GPI: variants seen among roughly 807,000 people sequenced by gnomAD.
GPI encodes the protein glucose-6-phosphate isomerase, also known as D-hexose-6-phosphate anomerase.
In GPI, 56 loss-of-function variants were observed where a neutral mutation model predicts 75.8. The observed-to-expected ratio is 0.74, with a 90% confidence interval of 0.60 to 0.92. The LOEUF is 0.92. Ranked by LOEUF, GPI falls within the 40% of genes least tolerant of loss-of-function variation. GPI has a pLI of 0.00. For missense variants in GPI, 638 were observed against 741.0 expected, an observed-to-expected ratio of 0.86 and a Z score of 1.61; for synonymous variants, 288 against 285.4, an observed-to-expected ratio of 1.01 and a Z score of -0.09.
intron 4 of GPI, among the ~76,000 whole-genome samples, chr19:34,371,516 C>T (rs2074452032): frequency 6.6e-6 from 1 of 152,126 alleles, no homozygotes; most frequent in Non-Finnish European, 1.5e-5. Flanking sequence ...ATGGTAAAGA[C>T]TCATTTGGTC....
At position 34,399,884 on chromosome 19, in the gene GPI, C is replaced by A; in HGVS notation, c.1542-17C>A. ...CCTTCCTCATACCACTCTTCCCTTCCCTTCCCTTCTTGGCAGAGTGGAGCT... is the reference window on the plus strand; with the variant it reads ...CCTTCCTCATACCACTCTTCCCTTCACTTCCCTTCTTGGCAGAGTGGAGCT... On this transcript the variant is annotated splice_polypyrimidine_tract_variant and intron_variant, in intron 17 of 17. Transcript: ENST00000356487. 6.2e-7 allele frequency: 1 copy of A among 1,614,034 alleles called. No homozygotes were observed. The highest frequency in any genetic ancestry group is 8.5e-7 in the Non-Finnish European group (1 of 1,179,954).
At chr19:34,376,152 A>G (rs2074532085) in intron 4 of GPI, among the ~76,000 whole-genome samples, 1 of 152,216 alleles carries the variant, frequency 6.6e-6, no homozygotes, top group Non-Finnish European at 1.5e-5. Context: ...TGCCTTGTGT[A>G]GTGGCTCACG....
Position 34,366,368 on chromosome 19 carries a change from G to T in GPI, c.146G>T (p.Gly49Val), listed in dbSNP as rs1412452057. The T allele has an allele frequency of 6.2e-7, 1 of 1,612,570 alleles. No homozygotes were observed. The highest frequency in any genetic ancestry group is 2.2e-5 in the East Asian group (1 of 44,868). Residue 49 changes from glycine to valine, a missense_variant, in exon 2 of 18, where the codon GGG becomes GTG. Gly to Val is a moderately radical substitution (Grantham distance 109, BLOSUM62 -3). Coordinates refer to ENST00000356487, the MANE Select transcript of GPI (RefSeq NM_000175.5). ...AGCTTGACCCTCAACACCAACCATG[G>T]GCATATCCTGGTGGATTACTCCAAG... is the stretch of plus-strand genomic sequence containing the variant. ...HFSLTLNTNHGHILVDYSKNL... is the reference protein window; with the variant it reads ...HFSLTLNTNHVHILVDYSKNL...
At chr19:34,378,875 C>A in intron 6 of GPI, 59 bp from the exon 7 acceptor site, 1 of 1,326,512 alleles carries the variant, frequency 7.5e-7, no homozygotes, top group Non-Finnish European at 1.1e-6. Context: ...TGAACCCTGG[C>A]TCAAGGCCTG....
chr19:34,376,115 G>T (rs1247895770), intron 4 of GPI, among the ~76,000 whole-genome samples: 1 of 152,164 alleles, frequency 6.6e-6, no homozygotes, highest in Non-Finnish European at 1.5e-5. Context: ...GTGTGGCAGG[G>T]ACCAGTGTGG....
At chr19:34,376,022 C>T (rs2074530166) in intron 4 of GPI, among the ~76,000 whole-genome samples, 1 of 152,216 alleles carries the variant, frequency 6.6e-6, no homozygotes, top group Admixed American at 6.5e-5. Flanking sequence ...CGAGTTATCC[C>T]TGGTTTTGCA....
At position 34,365,230 on chromosome 19, in the gene GPI, G is replaced by GGT; in HGVS notation, c.-36_-35insTG. 1 of 1,446,572 alleles carries GGT rather than the reference G, an allele frequency of 6.9e-7. No homozygotes were observed. Among genetic ancestry groups the GGT allele is most frequent in the Non-Finnish European group, 9.1e-7 (1 of 1,092,946 alleles). 89.6% of individuals were successfully genotyped at this position (1,446,572 alleles called of 1,614,324 possible). A position where few individuals can be genotyped will look rare whatever the true frequency, so the allele number is the denominator to read the frequency against. ...GCGCTGCCGGCGCTCCTTCCTCCTC[G>GGT]GCTCGCGTCTCACTCAGTGTACCTT... is the stretch of plus-strand genomic sequence containing the variant. On this transcript the variant is annotated 5_prime_UTR_variant, in exon 1 of 18. Coordinates refer to ENST00000356487, the MANE Select transcript of GPI (RefSeq NM_000175.5).
In GPI at chr19:34,388,476, C is replaced by A. The variant is rs971312556; in HGVS notation, c.805-4772C>A. Among the ~76,000 whole-genome samples, 11 of 149,930 alleles carry A rather than the reference C, an allele frequency of 7.3e-5. No homozygotes were observed. The East Asian group carries it at 7.9e-4, about 11-fold the overall frequency. On this transcript the variant is annotated intron_variant, in intron 9 of 17. Transcript: ENST00000356487. ...GGCGACAGAGTGAGAGACCCTGTCT[C>A]AAAAAAAAAGAAAGTGAGTAAAGTG...
intron 12 of GPI, among the ~76,000 whole-genome samples, 176 bp downstream of exon 12, chr19:34,394,242 A>T (rs2074913083): frequency 1.3e-5 from 2 of 152,022 alleles, no homozygotes; most frequent in African/African-American, 4.8e-5. Context: ...GGTTGGTTCC[A>T]TTTGAGTGTC....
In GPI at chr19:34,385,798, C is replaced by T. The variant is rs187003138; in HGVS notation, c.804+4279C>T. On this transcript the variant is annotated intron_variant, in intron 9 of 17. Coordinates refer to ENST00000356487, the MANE Select transcript of GPI (RefSeq NM_000175.5). ...GTCCACCAGGCACAAGCCCAGGAGCCAGCATTGAGCACAGGTAGGCAGACT... is the reference window on the plus strand; with the variant it reads ...GTCCACCAGGCACAAGCCCAGGAGCTAGCATTGAGCACAGGTAGGCAGACT... Among the ~76,000 whole-genome samples the T allele has an allele frequency of 2.0e-5, 3 of 152,196 alleles. No homozygotes were observed. The East Asian group carries it at 5.8e-4, about 29-fold the overall frequency.
Position 34,386,169 on chromosome 19 carries a change from C to T in GPI, c.804+4650C>T, listed in dbSNP as rs190903706. 2.8e-3 allele frequency among the ~76,000 whole-genome samples: 417 copies of T among 150,958 alleles called. 1 individual carries two copies. Among genetic ancestry groups the T allele is most frequent in the Admixed American group, 0.013 (192 of 15,210 alleles). On this transcript the variant is annotated intron_variant, in intron 9 of 17. Transcript: ENST00000356487. ...CACTAGGTGTGGTCTGAGAACCCAG[C>T]GAAAAGCTCAGGTAGGTAGAGATAG...
intron 1 of GPI, 113 bp from the exon 2 acceptor site, chr19:34,366,232 T>C: frequency 1.3e-6 from 1 of 786,152 alleles, no homozygotes. Context: ...GCCGCGGCCC[T>C]TGTGGGGCGT....
At position 34,365,328 on chromosome 19, in the gene GPI, G is replaced by C. The variant is rs747084719; in HGVS notation, c.62G>C (p.Arg21Pro). Residue 21 changes from arginine (R) to proline (P), a missense_variant, in exon 1 of 18, where the codon CGC becomes CCC. By Grantham distance (103) the Arg-to-Pro change is moderately radical (BLOSUM62 -2). Coordinates refer to ENST00000356487, the MANE Select transcript of GPI (RefSeq NM_000175.5). ...CTGCAGCAATGGTACCGCGAGCACCGCTCCGAGCTGAACCTGCGCCGCCTC... is the reference window on the plus strand; with the variant it reads ...CTGCAGCAATGGTACCGCGAGCACCCCTCCGAGCTGAACCTGCGCCGCCTC... ...QKLQQWYREH[R>P]SELNLRRLFD... is the part of the protein sequence containing the mutation. 6.3e-7 allele frequency: 1 copy of C among 1,591,474 alleles called. No homozygotes were observed. The highest frequency in any genetic ancestry group is 2.3e-5 in the East Asian group (1 of 42,562).
intron 9 of GPI, among the ~76,000 whole-genome samples, chr19:34,385,028 T>A (rs1327712419): frequency 7.7e-6 from 1 of 130,174 alleles, no homozygotes; most frequent in Non-Finnish European, 1.6e-5. Context: ...AGTGAGACTA[T>A]CTCCAAAAAA....
At chr19:34,386,321 A>T (rs777608700) in intron 9 of GPI, among the ~76,000 whole-genome samples, 7 of 150,424 alleles carry the variant, frequency 4.7e-5, no homozygotes, top group Non-Finnish European at 1.0e-4. Context: ...GTGGTCTGAG[A>T]ACCCAGGTTC....
chr19:34,391,175 C>T (rs1461939119), intron 9 of GPI, among the ~76,000 whole-genome samples: 2 of 39,356 alleles, frequency 5.1e-5, no homozygotes, highest in Admixed American at 2.7e-4. Flanking sequence ...AGCCCTGAGT[C>T]TTCTAGTGTC....
chr19:34,381,664 G>C (rs2074655786), intron 9 of GPI, 145 bp downstream of exon 9: 3 of 754,258 alleles, frequency 4.0e-6, no homozygotes, highest in Non-Finnish European at 7.3e-6. Flanking sequence ...CCTCAGAGAG[G>C]CTTGGAGGGC....
chr19:34,379,742 C>A (rs1350570610), intron 8 of GPI, 180 bp downstream of exon 8: 3 of 711,944 alleles, frequency 4.2e-6, no homozygotes, highest in African/African-American at 1.7e-5. Context: ...ACCCATTCAA[C>A]CTCTGCAGCT....
At chr19:34,396,932 T>G (rs1042385082) in intron 14 of GPI, among the ~76,000 whole-genome samples, 1 of 152,152 alleles carries the variant, frequency 6.6e-6, no homozygotes, top group Non-Finnish European at 1.5e-5. Flanking sequence ...TGCCTCAGCC[T>G]CCCAAGTAGC....
Sources: gnomAD v4.1 joint callset for allele counts (sites outside exome capture counted in the v4.1 genomes callset) on GRCh38, gnomAD v4.1.1 for gene constraint, MANE v1.5 for transcripts, NCBI Gene and HGNC (gene_info 2026-07-23, HGNC 2026-07-21) for gene names.